ARMC2: variants seen among roughly 807,000 people sequenced by gnomAD.
ARMC2 encodes armadillo repeat-containing protein 2.
A neutral mutation model predicts 90.3 loss-of-function variants in ARMC2; 67 were observed. That is an observed-to-expected ratio of 0.74 (90% CI 0.61 to 0.91). ARMC2 has a LOEUF of 0.91. Ranked by LOEUF, ARMC2 falls within the 40% of genes least tolerant of loss-of-function variation. The pLI, the probability that ARMC2 is intolerant of heterozygous loss-of-function variation, is 0.00. For missense variants in ARMC2, 920 were observed against 1,030.9 expected, an observed-to-expected ratio of 0.89 and a Z score of 1.47; for synonymous variants, 393 against 393.0, an observed-to-expected ratio of 1.00 and a Z score of 0.00.
intron 10 of ARMC2, among the ~76,000 whole-genome samples, chr6:108,917,388 C>T (rs947158693): frequency 6.6e-6 from 1 of 152,098 alleles, no homozygotes; most frequent in Non-Finnish European, 1.5e-5. Context: ...TCGGGAAGGT[C>T]GGTCCTCCCA....
At chr6:108,964,019 T>A (rs1025614509) in intron 15 of ARMC2, among the ~76,000 whole-genome samples, 161 bp from the exon 16 acceptor site, 2 of 152,190 alleles carry the variant, frequency 1.3e-5, no homozygotes. Context: ...GGGAACCCAC[T>A]GCTGTGTGAT....
intron 3 of ARMC2, among the ~76,000 whole-genome samples, chr6:108,862,568 C>T (rs867687744): frequency 3.1e-4 from 47 of 152,038 alleles, no homozygotes; most frequent in African/African-American, 1.1e-3. Context: ...ACCTGACCTT[C>T]CACCTTTTTT....
the ARMC2 span, among the ~76,000 whole-genome samples, chr6:108,996,852 C>T: frequency 6.6e-6 from 1 of 152,036 alleles, no homozygotes; most frequent in Non-Finnish European, 1.5e-5. Flanking sequence ...AAAAATTATT[C>T]AGTGCTAAAA....
intron 4 of ARMC2, among the ~76,000 whole-genome samples, chr6:108,875,790 T>G (rs1776874615): frequency 6.6e-6 from 1 of 152,136 alleles, no homozygotes; most frequent in African/African-American, 2.4e-5. Context: ...ATTTTTTGAA[T>G]GAAAAATTAT....
chr6:108,902,256 A>G (rs1772231617), intron 7 of ARMC2, among the ~76,000 whole-genome samples: 1 of 152,234 alleles, frequency 6.6e-6, no homozygotes, highest in Non-Finnish European at 1.5e-5. Flanking sequence ...AGCATTTATA[A>G]CAAACTATTT....
At chr6:108,890,155 A>T (rs915382648) in intron 5 of ARMC2, among the ~76,000 whole-genome samples, 2 of 130,632 alleles carry the variant, frequency 1.5e-5, no homozygotes, top group African/African-American at 3.0e-5. Flanking sequence ...CCGCCACTGC[A>T]CTCCAGCCTG....
the ARMC2 span, among the ~76,000 whole-genome samples, chr6:108,999,767 T>C: frequency 6.6e-6 from 1 of 152,156 alleles, no homozygotes; most frequent in African/African-American, 2.4e-5. Flanking sequence ...ATCGCACACC[T>C]AATTATTTAT....
chr6:109,033,824 G>C, the ARMC2 span, among the ~76,000 whole-genome samples: 79 of 152,284 alleles, frequency 5.2e-4, 1 homozygote, highest in African/African-American at 1.9e-3. Flanking sequence ...CAAGCTTTTA[G>C]TTAACAGTGC....
chr6:108,953,204 C>G lies in ARMC2; in HGVS notation c.1768C>G (p.Gln590Glu), dbSNP rs756385483. The change falls in exon 13 of 18, where the codon CAG becomes GAG. Residue 590 changes from glutamine (Q) to glutamate (E), a missense_variant. By Grantham distance (29) the Gln-to-Glu change is conservative (BLOSUM62 2). Coordinates refer to ENST00000392644, the MANE Select transcript of ARMC2 (RefSeq NM_032131.6). ...SQKPVGQRGE[Q>E]HRAQRPPSEA... ...GAAGCCGGTGGGCCAACGAGGCGAG[C>G]AGCACAGGGCGCAGAGGCCGCCGTC... 8.7e-6 allele frequency: 14 copies of G among 1,613,870 alleles called. No homozygotes were observed. Among genetic ancestry groups the G allele is most frequent in the Non-Finnish European group, 1.1e-5 (13 of 1,179,916 alleles).
At chr6:108,859,235 A>G (rs1774964249) in intron 3 of ARMC2, among the ~76,000 whole-genome samples, 1 of 152,032 alleles carries the variant, frequency 6.6e-6, no homozygotes, top group Non-Finnish European at 1.5e-5. Context: ...CTCCTTGGAG[A>G]ACTCTTCACA....
At chr6:108,990,151 T>C in the ARMC2 span, among the ~76,000 whole-genome samples, 1 of 152,220 alleles carries the variant, frequency 6.6e-6, no homozygotes, top group Non-Finnish European at 1.5e-5. Flanking sequence ...ATTTTCAATG[T>C]AACATAGTAA....
chr6:108,992,805 A>G, the ARMC2 span: 2 of 1,611,170 alleles, frequency 1.2e-6, no homozygotes, highest in African/African-American at 1.3e-5. Flanking sequence ...GAAATGTTGG[A>G]ACATGCATCC....
intron 5 of ARMC2, among the ~76,000 whole-genome samples, chr6:108,887,689 G>A (rs926716240): frequency 1.3e-5 from 2 of 152,160 alleles, no homozygotes; most frequent in Non-Finnish European, 2.9e-5. Context: ...ATATCATAAA[G>A]AACAAAACAG....
At chr6:108,966,013 G>A (rs1778344978) in intron 17 of ARMC2, among the ~76,000 whole-genome samples, 1 of 148,360 alleles carries the variant, frequency 6.7e-6, no homozygotes, top group East Asian at 2.0e-4. Context: ...TTCTTCCTGG[G>A]TTAATTCTAA....
chr6:108,866,054 A>G (rs1294678788), intron 3 of ARMC2, among the ~76,000 whole-genome samples: 1 of 150,942 alleles, frequency 6.6e-6, no homozygotes, highest in Non-Finnish European at 1.5e-5. Flanking sequence ...CTCATTTAGT[A>G]CAGTTTGGGT....
At chr6:109,050,321 G>A in the ARMC2 span, among the ~76,000 whole-genome samples, 1 of 151,312 alleles carries the variant, frequency 6.6e-6, no homozygotes, top group Non-Finnish European at 1.5e-5. Context: ...AAAACATTCA[G>A]CGGCTAGAAG....
In ARMC2 at chr6:108,928,194, G is replaced by A. The variant is rs1775259793; in HGVS notation, c.1457G>A (p.Gly486Asp). ...QLCTAMEQYK[G>D]DKDVCTNIAR... Reference sequence around the variant, plus strand: ...TGCACGGCAATGGAACAGTACAAGGGTGACAAGGACGTCTGTACCAATATT... The same window carrying A: ...TGCACGGCAATGGAACAGTACAAGGATGACAAGGACGTCTGTACCAATATT... The change falls in exon 11 of 18, where the codon GGT (glycine) becomes GAT (aspartate). Residue 486 changes from glycine (G) to aspartate (D), a missense_variant. Gly to Asp is a moderately conservative substitution (Grantham distance 94). Coordinates refer to ENST00000392644, the MANE Select transcript of ARMC2 (RefSeq NM_032131.6). The A allele has an allele frequency of 6.3e-7, 1 of 1,595,768 alleles. No individual in the cohort carries two copies. Among genetic ancestry groups the A allele is most frequent in the Non-Finnish European group, 8.5e-7 (1 of 1,171,556 alleles).
chr6:109,028,911 T>C, the ARMC2 span, among the ~76,000 whole-genome samples: 2 of 152,168 alleles, frequency 1.3e-5, no homozygotes, highest in South Asian at 2.1e-4. Context: ...ATGGTGCATA[T>C]GGTGACATGA....
the ARMC2 span, among the ~76,000 whole-genome samples, chr6:109,017,528 G>A: frequency 2.6e-5 from 4 of 152,034 alleles, no homozygotes; most frequent in Non-Finnish European, 4.4e-5. Context: ...CTCGTGATCC[G>A]CCTGCCTTGG....
Sources: allele counts gnomAD v4.1 joint callset (sites outside exome capture counted in the v4.1 genomes callset), GRCh38; gene constraint gnomAD v4.1.1; transcripts MANE v1.5; gene names NCBI Gene and HGNC (gene_info 2026-07-23, HGNC 2026-07-21).